The following EIF4EBP1 variants were observed in gnomAD, a reference collection of about 807,000 sequenced individuals.
EIF4EBP1 encodes the protein eukaryotic translation initiation factor 4E-binding protein 1.
EIF4EBP1 carries 5 observed loss-of-function variants against 9.2 expected under a neutral mutation model. The ratio of observed to expected loss-of-function variants is 0.54; its 90% CI spans 0.28 to 1.14. The LOEUF is 1.14. Among genes scored for constraint, EIF4EBP1 ranks in the 50% most tolerant of loss-of-function variants. The pLI, the probability that EIF4EBP1 is intolerant of heterozygous loss-of-function variation, is 0.09. For missense variants in EIF4EBP1, 139 were observed against 169.6 expected, an observed-to-expected ratio of 0.82 and a Z score of 1.00; for synonymous variants, 62 against 67.0, an observed-to-expected ratio of 0.93 and a Z score of 0.36.
chr8:38,049,272 C>T (rs1174765884), intron 1 of EIF4EBP1, among the ~76,000 whole-genome samples: 1 of 152,088 alleles, frequency 6.6e-6, no homozygotes, highest in Admixed American at 6.6e-5. Flanking sequence ...TGCAGGCTTC[C>T]AGTCTTGCCA....
rs1357970392 is a variant in EIF4EBP1 at position 38,030,566 on chromosome 8, A to G, written c.-8A>G. The G allele has an allele frequency of 2.6e-6, 4 of 1,512,958 alleles. No homozygotes were observed. The African/African-American group carries it at 5.8e-5, about 22-fold the overall frequency. 93.7% of individuals were successfully genotyped at this position (1,512,958 alleles called of 1,614,324 possible). On this transcript the variant is annotated 5_prime_UTR_variant, in exon 1 of 3. Coordinates refer to ENST00000338825, the MANE Select transcript of EIF4EBP1 (RefSeq NM_004095.4). Reference sequence around the variant, plus strand: ...CGAGAGGTTCGCGGGTGCAGCGCACAGGAGACCATGTCCGGGGGCAGCAGC... The same window carrying G: ...CGAGAGGTTCGCGGGTGCAGCGCACGGGAGACCATGTCCGGGGGCAGCAGC...
rs1280300429 is a variant in EIF4EBP1, at chr8:38,052,458, G to A, written c.146-4623G>A. ...TAAAAATTTTAGTAGGCCAGGTGCA[G>A]TGGCTCATGCCTGTAATCCCAGCAC... On this transcript the variant is annotated intron_variant, in intron 1 of 2. Coordinates refer to ENST00000338825, the MANE Select transcript of EIF4EBP1 (RefSeq NM_004095.4). Among the ~76,000 whole-genome samples the A allele has an allele frequency of 2.7e-5, 4 of 148,074 alleles. No homozygotes were observed. The South Asian group carries it at 8.3e-4, about 31-fold the overall frequency.
intron 1 of EIF4EBP1, among the ~76,000 whole-genome samples, chr8:38,054,692 G>T (rs1328149547): frequency 6.6e-6 from 1 of 152,018 alleles, no homozygotes; most frequent in East Asian, 1.9e-4. Flanking sequence ...GCCACATCTG[G>T]CCTCTAGAAC....
At chr8:38,040,987 A>G (rs1809370656) in intron 1 of EIF4EBP1, among the ~76,000 whole-genome samples, 1 of 151,974 alleles carries the variant, frequency 6.6e-6, no homozygotes, top group Non-Finnish European at 1.5e-5. Flanking sequence ...TTTAGTAGAG[A>G]CAGGGTTTTA....
intron 2 of EIF4EBP1, among the ~76,000 whole-genome samples, 190 bp from the exon 3 acceptor site, chr8:38,059,714 C>G (rs1190193161): frequency 6.6e-6 from 1 of 151,460 alleles, no homozygotes; most frequent in Non-Finnish European, 1.5e-5. Context: ...CGAAATTGGG[C>G]CACTGCACTC....
At position 38,042,940 on chromosome 8, in the gene EIF4EBP1, C is replaced by T. The variant is rs527283205; in HGVS notation, c.145+12222C>T. 1.2e-4 allele frequency among the ~76,000 whole-genome samples: 19 copies of T among 152,206 alleles called. No homozygotes were observed. The South Asian group carries it at 3.9e-3, about 32-fold the overall frequency. On this transcript the variant is annotated intron_variant, in intron 1 of 2. Transcript: ENST00000338825. Reference sequence around the variant, plus strand: ...ATTACCCAGGCGTGGTGGCAGGTGCCTATAATCTCAGCTACCAGGAGGAGG... The same window carrying T: ...ATTACCCAGGCGTGGTGGCAGGTGCTTATAATCTCAGCTACCAGGAGGAGG...
chr8:38,057,628 G>A (rs985906296), intron 2 of EIF4EBP1, among the ~76,000 whole-genome samples: 1 of 152,194 alleles, frequency 6.6e-6, no homozygotes, highest in Non-Finnish European at 1.5e-5. Flanking sequence ...TGATGTTTGT[G>A]GTGCAAGAGA....
chr8:38,038,767 T>C (rs1809336577), intron 1 of EIF4EBP1, among the ~76,000 whole-genome samples: 1 of 151,866 alleles, frequency 6.6e-6, no homozygotes, highest in Non-Finnish European at 1.5e-5. Flanking sequence ...GAGCTGCAGC[T>C]CCCATTTAGC....
intron 1 of EIF4EBP1, among the ~76,000 whole-genome samples, chr8:38,056,667 T>C (rs1235002812): frequency 2.6e-5 from 4 of 151,266 alleles, no homozygotes; most frequent in Non-Finnish European, 5.9e-5. Flanking sequence ...CTCTGGCTTT[T>C]TTTTTTTTTT....
intron 1 of EIF4EBP1, among the ~76,000 whole-genome samples, chr8:38,050,543 T>C (rs545233838): frequency 1.8e-4 from 28 of 151,940 alleles, no homozygotes; most frequent in African/African-American, 6.5e-4. Context: ...AAAGACAGGG[T>C]TTTACCGTGT....
rs1809652044 is a variant in EIF4EBP1 at position 38,060,008 on chromosome 8, G to A, written c.*73G>A. On this transcript the variant is annotated 3_prime_UTR_variant, in exon 3 of 3. Coordinates refer to ENST00000338825, the MANE Select transcript of EIF4EBP1 (RefSeq NM_004095.4). ...TCCTGGGAGGAGTCCCACCAGCCAG[G>A]CCTTATGAAAGTGATCATACTGGGC... 9.4e-6 allele frequency: 14 copies of A among 1,484,850 alleles called. No homozygotes were observed. In the South Asian group the frequency reaches 1.1e-4, roughly 12 times the overall value. 92.0% of individuals were successfully genotyped at this position (1,484,850 alleles called of 1,614,324 possible).
In EIF4EBP1 at chr8:38,037,775, TTTTG is replaced by T. The variant is rs374368623; in HGVS notation, c.145+7069_145+7072del. ...CTCTGTTTTGATGATGTTGTCTGTT[TTTTG>T]TTTGTTTGTTTTTTGAGACAAAGTC... On this transcript the variant is annotated intron_variant, in intron 1 of 2. Transcript: ENST00000338825. 1.2e-3 allele frequency among the ~76,000 whole-genome samples: 190 copies of T among 152,132 alleles called. 1 individual carries two copies. The highest frequency in any genetic ancestry group is 4.3e-3 in the African/African-American group (178 of 41,496).
At chr8:38,044,110 C>T (rs372864678) in intron 1 of EIF4EBP1, among the ~76,000 whole-genome samples, 2 of 151,998 alleles carry the variant, frequency 1.3e-5, no homozygotes, top group African/African-American at 4.8e-5. Context: ...ACCTCCCCCA[C>T]CCCGGCCCTG....
chr8:38,055,944 G>A (rs1312357595), intron 1 of EIF4EBP1, among the ~76,000 whole-genome samples: 2 of 152,072 alleles, frequency 1.3e-5, no homozygotes, highest in African/African-American at 4.8e-5. Context: ...CACACTGGGG[G>A]CCTCACAAAG....
intron 1 of EIF4EBP1, among the ~76,000 whole-genome samples, chr8:38,045,797 T>C (rs1809441134): frequency 6.6e-6 from 1 of 152,078 alleles, no homozygotes; most frequent in Non-Finnish European, 1.5e-5. Context: ...TACCGTGCAG[T>C]GGTAAAATTG....
At chr8:38,035,943 G>A (rs1257873251) in intron 1 of EIF4EBP1, among the ~76,000 whole-genome samples, 1 of 150,390 alleles carries the variant, frequency 6.6e-6, no homozygotes, top group Non-Finnish European at 1.5e-5. Flanking sequence ...TCCTGACCTC[G>A]TGATCCGCCC....
At position 38,030,594 on chromosome 8, in the gene EIF4EBP1, C is replaced by A; in HGVS notation, c.21C>A (p.Cys7Ter). 6.6e-7 allele frequency: 1 copy of A among 1,515,452 alleles called. No homozygotes were observed. The highest frequency in any genetic ancestry group is 8.8e-7 in the Non-Finnish European group (1 of 1,138,366). The allele number at this position is 1,515,452 out of a possible 1,614,324, so 93.9% of individuals were successfully genotyped here. MSGGSSCSQTPSRAIPA... is the reference protein window; with the variant it reads MSGGSS Reference sequence around the variant, plus strand: ...AGACCATGTCCGGGGGCAGCAGCTGCAGCCAGACCCCAAGCCGGGCCATCC... The same window carrying A: ...AGACCATGTCCGGGGGCAGCAGCTGAAGCCAGACCCCAAGCCGGGCCATCC... Residue 7 changes from cysteine (C) to a stop codon, truncating the protein, a stop_gained, in exon 1 of 3, where the codon TGC (cysteine) becomes TGA (stop). Transcript: ENST00000338825. LOFTEE classifies it high-confidence loss of function.
intron 1 of EIF4EBP1, among the ~76,000 whole-genome samples, chr8:38,037,092 G>C (rs1229841986): frequency 6.6e-6 from 1 of 152,046 alleles, no homozygotes; most frequent in Non-Finnish European, 1.5e-5. Flanking sequence ...GTCTGACTTA[G>C]ACCCATGCCT....
intron 1 of EIF4EBP1, among the ~76,000 whole-genome samples, chr8:38,033,743 CTTTTTTTTTTTT>C (rs34809551): frequency 4.8e-5 from 5 of 104,258 alleles, no homozygotes; most frequent in African/African-American, 1.9e-4. Context: ...GTTTGCTTTC[CTTTTTTTTTTTT>C]TTTTTTTTTG....
Sources: gnomAD v4.1 joint callset for allele counts (sites outside exome capture counted in the v4.1 genomes callset) on GRCh38, gnomAD v4.1.1 for gene constraint, MANE v1.5 for transcripts, NCBI Gene and HGNC (gene_info 2026-07-23, HGNC 2026-07-21) for gene names.